The following GRM8 variants were observed in gnomAD, a reference collection of about 807,000 sequenced individuals.
GRM8 encodes the protein metabotropic glutamate receptor 8.
A neutral mutation model predicts 87.2 loss-of-function variants in GRM8; 47 were observed. That is an observed-to-expected ratio of 0.54 (90% CI 0.43 to 0.69). The LOEUF (loss-of-function observed/expected upper bound fraction) is 0.69, where lower values mean the gene tolerates loss of function less well. GRM8 is among the 30% of genes least tolerant of loss of function. The probability of loss-of-function intolerance (pLI) is 0.00; values close to 1 mark genes in which losing one functional copy is unlikely to be tolerated. For synonymous variants in GRM8, 396 were observed against 404.5 expected (o/e 0.98, Z 0.25); for missense variants, 1,019 against 1,139.2 (o/e 0.89, Z 1.52).
At chr7:127,036,210 TA>T (rs201101766) in intron 3 of GRM8, among the ~76,000 whole-genome samples, 59 of 151,288 alleles carry the variant, frequency 3.9e-4, no homozygotes, top group Admixed American at 6.6e-4. Flanking sequence ...TACACCATAT[TA>T]AAAAAAAACT....
rs1186507812 is a variant in GRM8 at position 126,439,183 on chromosome 7, G to A, written c.2678-15C>T. 2 of 1,420,532 alleles carry A rather than the reference G, an allele frequency of 1.4e-6. No homozygotes were observed. The highest frequency in any genetic ancestry group is 2.0e-6 in the Non-Finnish European group (2 of 1,003,810). The allele number at this position is 1,420,532 out of a possible 1,614,324, so 88.0% of individuals were successfully genotyped here. ...GGTAGAGGAAGCTGTTAAGATAAAT[G>A]AGGACAAATTAAAATAGTATATAAT... On this transcript the variant is annotated splice_polypyrimidine_tract_variant and intron_variant, in intron 10 of 10. Transcript: ENST00000339582.
intron 7 of GRM8, among the ~76,000 whole-genome samples, chr7:126,686,356 C>A (rs1043211251): frequency 6.6e-6 from 1 of 152,172 alleles, no homozygotes; most frequent in Admixed American, 6.5e-5. Context: ...AGAAACAGGG[C>A]TGAAACATGC....
At chr7:126,464,679 A>G (rs374052062) in intron 9 of GRM8, among the ~76,000 whole-genome samples, 89 of 151,666 alleles carry the variant, frequency 5.9e-4, no homozygotes, top group Middle Eastern at 3.4e-3. Context: ...TGCAAATATC[A>G]TCTTATTTTT....
intron 2 of GRM8, among the ~76,000 whole-genome samples, chr7:127,159,092 T>A (rs958065533): frequency 3.3e-5 from 5 of 152,190 alleles, no homozygotes; most frequent in Admixed American, 2.6e-4. Context: ...TGTGTGCAAG[T>A]GGTTACAGCT....
At chr7:126,612,732 C>A (rs1393156513) in intron 7 of GRM8, among the ~76,000 whole-genome samples, 1 of 152,182 alleles carries the variant, frequency 6.6e-6, no homozygotes, top group African/African-American at 2.4e-5. Flanking sequence ...GCAGCAAAGA[C>A]AGTGTTCAGT....
chr7:126,584,236 T>A (rs1006487989), intron 8 of GRM8, among the ~76,000 whole-genome samples: 2 of 152,030 alleles, frequency 1.3e-5, no homozygotes, highest in Non-Finnish European at 2.9e-5. Context: ...ACTTTTTTTT[T>A]ATTTTTTGAG....
intron 2 of GRM8, among the ~76,000 whole-genome samples, chr7:127,155,579 T>C (rs1032620754): frequency 2.1e-4 from 32 of 152,222 alleles, no homozygotes; most frequent in African/African-American, 7.0e-4. Context: ...CTGAGGTGGA[T>C]ATGTGGCAAT....
At chr7:126,872,729 T>G (rs1799208384) in intron 6 of GRM8, among the ~76,000 whole-genome samples, 1 of 152,122 alleles carries the variant, frequency 6.6e-6, no homozygotes, top group African/African-American at 2.4e-5. Flanking sequence ...CCAGATACTC[T>G]CAGCAGTGTA....
chr7:126,439,825 A>AGTGTGTGTGTGTGTGT (rs57638512), intron 10 of GRM8, among the ~76,000 whole-genome samples: 9,646 of 142,508 alleles, frequency 0.068, 411 homozygotes, highest in Middle Eastern at 0.088. Context: ...GGCCTAGGCT[A>AGTGTGTGTGTGTGTGT]GTGTGTGTGT....
chr7:126,806,121 T>TA (rs770196980), intron 6 of GRM8, among the ~76,000 whole-genome samples: 36 of 152,188 alleles, frequency 2.4e-4, no homozygotes, highest in Non-Finnish European at 4.4e-4. Context: ...TTAAAGTTCT[T>TA]AAAGATGGTG....
chr7:126,765,961 C>T (rs574777967), intron 7 of GRM8, among the ~76,000 whole-genome samples: 1 of 151,990 alleles, frequency 6.6e-6, no homozygotes, highest in Non-Finnish European at 1.5e-5. Flanking sequence ...ACCATTGTAG[C>T]TTATGTCTTT....
At chr7:127,237,566 T>C (rs1452312167) in intron 2 of GRM8, among the ~76,000 whole-genome samples, 1 of 152,254 alleles carries the variant, frequency 6.6e-6, no homozygotes, top group Non-Finnish European at 1.5e-5. Flanking sequence ...CAGTATTTCA[T>C]TGACTTCACA....
intron 7 of GRM8, among the ~76,000 whole-genome samples, chr7:126,766,359 G>A (rs532133368): frequency 8.5e-5 from 13 of 152,124 alleles, no homozygotes; most frequent in African/African-American, 3.1e-4. Flanking sequence ...AAACTAAAAA[G>A]GAGCATACAA....
At chr7:127,155,406 T>G (rs1587151062) in intron 2 of GRM8, among the ~76,000 whole-genome samples, 1 of 152,292 alleles carries the variant, frequency 6.6e-6, no homozygotes, top group East Asian at 1.9e-4. Flanking sequence ...AACGTAACTC[T>G]CATCGATCTT....
intron 7 of GRM8, among the ~76,000 whole-genome samples, chr7:126,724,982 A>G (rs1201073873): frequency 6.6e-6 from 1 of 152,162 alleles, no homozygotes; most frequent in African/African-American, 2.4e-5. Flanking sequence ...AGTCTGTGGG[A>G]TCTCTCAGAT....
At chr7:126,487,923 C>T (rs1169203412) in intron 9 of GRM8, among the ~76,000 whole-genome samples, 3 of 151,908 alleles carry the variant, frequency 2.0e-5, no homozygotes, top group African/African-American at 4.8e-5. Context: ...AGGAAATATC[C>T]ACCATATGTC....
At chr7:126,821,232 A>G (rs1160394912) in intron 6 of GRM8, among the ~76,000 whole-genome samples, 1 of 152,022 alleles carries the variant, frequency 6.6e-6, no homozygotes, top group East Asian at 1.9e-4. Context: ...TTTGTTTCCT[A>G]TCTCCTCTTT....
rs1817526317 is a variant in GRM8 at position 127,033,025 on chromosome 7, T to C, written c.727+73471A>G. Among the ~76,000 whole-genome samples the C allele has an allele frequency of 1.3e-5, 2 of 150,262 alleles. 1 individual carries two copies. The highest frequency in any genetic ancestry group is 4.9e-5 in the African/African-American group (2 of 40,814). ...TTTCGTTTCCTTTTTTTTTTTTTTC[T>C]AACATGGTATCTTGTTTTAATAATA... On this transcript the variant is annotated intron_variant, in intron 3 of 10. Coordinates refer to ENST00000339582, the MANE Select transcript of GRM8 (RefSeq NM_000845.3).
chr7:126,847,468 A>T (rs1196464627), intron 6 of GRM8, among the ~76,000 whole-genome samples: 2 of 152,194 alleles, frequency 1.3e-5, no homozygotes, highest in East Asian at 1.9e-4. Context: ...GATGTAAAGT[A>T]GATAGATCAT....
Sources: gnomAD v4.1 joint callset for allele counts (sites outside exome capture counted in the v4.1 genomes callset) on GRCh38, gnomAD v4.1.1 for gene constraint, MANE v1.5 for transcripts, NCBI Gene and HGNC (gene_info 2026-07-23, HGNC 2026-07-21) for gene names.